Variants in CNTNAP5 observed in about 807,000 individuals in gnomAD.
The protein encoded by CNTNAP5 is contactin-associated protein-like 5.
CNTNAP5 carries 72 observed loss-of-function variants against 150.2 expected under a neutral mutation model. The observed-to-expected ratio is 0.48, with a 90% confidence interval of 0.40 to 0.58. The LOEUF is 0.58. CNTNAP5 is among the 20% of genes least tolerant of loss of function. The pLI, the probability that CNTNAP5 is intolerant of heterozygous loss-of-function variation, is 0.00. For synonymous variants in CNTNAP5, 672 were observed against 619.8 expected (o/e 1.08, Z -1.25); for missense variants, 1,636 against 1,626.2 (o/e 1.01, Z -0.10).
intron 19 of CNTNAP5, among the ~76,000 whole-genome samples, chr2:124,810,031 G>A (rs1280336669): frequency 3.3e-5 from 5 of 152,162 alleles, no homozygotes; most frequent in African/African-American, 4.8e-5. Context: ...AGTTCTAAGC[G>A]GAAATGGTTT....
intron 19 of CNTNAP5, among the ~76,000 whole-genome samples, chr2:124,807,016 T>A (rs1460190092): frequency 6.6e-6 from 1 of 151,966 alleles, no homozygotes; most frequent in Admixed American, 6.6e-5. Flanking sequence ...AAGAAAATAG[T>A]TGGAGTCAGT....
Position 124,790,084 on chromosome 2 carries a change from A to C in CNTNAP5, c.2935A>C (p.Asn979His), listed in dbSNP as rs1681692456. The C allele has an allele frequency of 2.5e-6, 4 of 1,613,882 alleles. No homozygotes were observed. The highest frequency in any genetic ancestry group is 3.4e-6 in the Non-Finnish European group (4 of 1,179,842). ...CGGGGGCAAGTGTGTGGAGAAGCAC[A>C]ATGGCTACCTGTGTGATTGCACCAA... ...HNGGKCVEKH[N>H]GYLCDCTNSP... Residue 979 changes from asparagine (N) to histidine (H), a missense_variant, in exon 18 of 24, where the codon AAT becomes CAT. Asn to His is a moderately conservative substitution (Grantham distance 68). Transcript: ENST00000682447.
chr2:124,510,348 AACACACACACACACAC>A (rs3039130), intron 8 of CNTNAP5, among the ~76,000 whole-genome samples: 2 of 68,294 alleles, frequency 2.9e-5, no homozygotes, highest in African/African-American at 1.2e-4. Context: ...TCCATATGTC[AACACACACACACACAC>A]ACACACACAC....
At position 124,132,916 on chromosome 2, in the gene CNTNAP5, C is replaced by T. The variant is rs1288949937; in HGVS notation, c.83-88789C>T. On this transcript the variant is annotated intron_variant, in intron 1 of 23. Coordinates refer to ENST00000682447, the MANE Select transcript of CNTNAP5 (RefSeq NM_001367498.1). ...CTAGCTCACTGAACTGCCTACTCCTCGCACCTCTGTCTAAGCTGCTTTTGT... is the reference window on the plus strand; with the variant it reads ...CTAGCTCACTGAACTGCCTACTCCTTGCACCTCTGTCTAAGCTGCTTTTGT... Among the ~76,000 whole-genome samples, 3 of 152,094 alleles carry T rather than the reference C, an allele frequency of 2.0e-5. No homozygotes were observed. In the East Asian group the frequency reaches 5.8e-4, roughly 29 times the overall value.
At chr2:124,559,683 G>T (rs1012107415) in intron 10 of CNTNAP5, among the ~76,000 whole-genome samples, 1 of 152,188 alleles carries the variant, frequency 6.6e-6, no homozygotes, top group African/African-American at 2.4e-5. Flanking sequence ...TAATGTCTTC[G>T]ATGCTCAGTT....
chr2:124,166,910 C>A (rs1008364634), intron 1 of CNTNAP5, among the ~76,000 whole-genome samples: 3 of 152,106 alleles, frequency 2.0e-5, no homozygotes, highest in Admixed American at 6.6e-5. Flanking sequence ...AGATGGAGCC[C>A]ACAGGATTAT....
At chr2:124,907,732 G>A (rs1018276750) in intron 22 of CNTNAP5, among the ~76,000 whole-genome samples, 1 of 151,166 alleles carries the variant, frequency 6.6e-6, no homozygotes, top group African/African-American at 2.4e-5. Flanking sequence ...TGTGAAGAGA[G>A]AAGTACTATT....
intron 13 of CNTNAP5, among the ~76,000 whole-genome samples, chr2:124,666,246 G>A (rs897181667): frequency 6.6e-6 from 1 of 152,168 alleles, no homozygotes; most frequent in African/African-American, 2.4e-5. Flanking sequence ...CAGGGGCTTA[G>A]AGGTTATAGG....
intron 3 of CNTNAP5, among the ~76,000 whole-genome samples, chr2:124,382,910 C>A (rs1320765521): frequency 6.6e-6 from 1 of 151,386 alleles, no homozygotes; most frequent in East Asian, 1.9e-4. Context: ...ATTTTTTTTT[C>A]TTTTAAAGTG....
intron 1 of CNTNAP5, among the ~76,000 whole-genome samples, chr2:124,188,681 T>A (rs890093638): frequency 7.8e-6 from 1 of 127,446 alleles, no homozygotes; most frequent in Admixed American, 9.9e-5. Flanking sequence ...ATCACGCCAC[T>A]GCACTCCAGC....
chr2:124,570,462 G>T (rs1300749990), intron 11 of CNTNAP5, among the ~76,000 whole-genome samples: 1 of 152,154 alleles, frequency 6.6e-6, no homozygotes, highest in Non-Finnish European at 1.5e-5. Flanking sequence ...GAGGCAGGAA[G>T]GAGATGCAGG....
intron 14 of CNTNAP5, among the ~76,000 whole-genome samples, chr2:124,759,363 TTATATA>T (rs1290460998): frequency 6.8e-6 from 1 of 146,858 alleles, no homozygotes; most frequent in Middle Eastern, 3.6e-3. Flanking sequence ...TATATATTCA[TTATATA>T]TATTTATTAT....
chr2:124,733,904 G>A (rs1406829657), intron 13 of CNTNAP5, among the ~76,000 whole-genome samples: 1 of 152,116 alleles, frequency 6.6e-6, no homozygotes. Flanking sequence ...AGGCTTTGCT[G>A]TCTTGATAGT....
chr2:124,159,459 G>T lies in CNTNAP5; in HGVS notation c.83-62246G>T, dbSNP rs114390557. Among the ~76,000 whole-genome samples, 592 of 150,692 alleles carry T rather than the reference G, an allele frequency of 3.9e-3. 2 individuals carry two copies. Among genetic ancestry groups the T allele is most frequent in the Non-Finnish European group, 5.8e-3 (394 of 67,992 alleles). The stretch of plus-strand genomic sequence containing the variant: ...AATAAAATTTTATTTACAAAAATAG[G>T]TGGCAGGCCAGATTTGGCCTGTGGG... On this transcript the variant is annotated intron_variant, in intron 1 of 23. Transcript: ENST00000682447.
intron 8 of CNTNAP5, among the ~76,000 whole-genome samples, chr2:124,510,477 G>GTATATATATATATATA (rs70996072): frequency 2.9e-5 from 3 of 102,596 alleles, no homozygotes; most frequent in Non-Finnish European, 5.6e-5. Context: ...TTATGTATGT[G>GTATATATATATATATA]TATATATATA....
intron 1 of CNTNAP5, among the ~76,000 whole-genome samples, chr2:124,194,403 ATATATATAAATAT>A (rs1558795516): frequency 0.12 from 1,172 of 9,622 alleles, 13 homozygotes; most frequent in Middle Eastern, 0.42. Context: ...ATATATATAT[ATATATATAAATAT>A]AAATAGGTGT....
At chr2:124,189,649 G>A (rs1685414062) in intron 1 of CNTNAP5, among the ~76,000 whole-genome samples, 3 of 152,188 alleles carry the variant, frequency 2.0e-5, no homozygotes, top group South Asian at 4.1e-4. Context: ...AATTAACCAA[G>A]GAGAAAAATC....
At chr2:124,587,132 TA>T (rs1018317132) in intron 11 of CNTNAP5, among the ~76,000 whole-genome samples, 8 of 152,220 alleles carry the variant, frequency 5.3e-5, no homozygotes, top group African/African-American at 1.9e-4. Context: ...ACTCAAGTTG[TA>T]ACTATAGTAT....
intron 3 of CNTNAP5, among the ~76,000 whole-genome samples, chr2:124,401,955 G>A (rs1161843857): frequency 6.6e-6 from 1 of 152,182 alleles, no homozygotes; most frequent in Middle Eastern, 3.4e-3. Context: ...AACCTTCACG[G>A]GTTTACTGAG....
Sources: gnomAD v4.1 joint callset for allele counts (sites outside exome capture counted in the v4.1 genomes callset) on GRCh38, gnomAD v4.1.1 for gene constraint, MANE v1.5 for transcripts, NCBI Gene and HGNC (gene_info 2026-07-23, HGNC 2026-07-21) for gene names.